Variants in LUZP2 observed in about 807,000 individuals in gnomAD.
LUZP2 encodes the protein leucine zipper protein 2.
Under a neutral mutation model 51.6 loss-of-function variants are expected in LUZP2, and 52 were observed. That is an observed-to-expected ratio of 1.01 (90% confidence interval 0.81 to 1.27). The LOEUF (loss-of-function observed/expected upper bound fraction) is 1.27, where lower values mean the gene tolerates loss of function less well. Among genes scored for constraint, LUZP2 ranks in the 50% most tolerant of loss-of-function variants. The pLI, the probability that LUZP2 is intolerant of heterozygous loss-of-function variation, is 0.00. For missense variants in LUZP2, 436 were observed against 395.4 expected, an observed-to-expected ratio of 1.10 and a Z score of -0.87; for synonymous variants, 154 against 137.3, an observed-to-expected ratio of 1.12 and a Z score of -0.85.
At chr11:24,877,633 A>G (rs983935536) in intron 5 of LUZP2, among the ~76,000 whole-genome samples, 8 of 152,112 alleles carry the variant, frequency 5.3e-5, no homozygotes, top group Non-Finnish European at 1.0e-4. Context: ...ATGTACAATT[A>G]ATTTATTATT....
At chr11:24,772,461 C>T (rs1454377870) in intron 5 of LUZP2, among the ~76,000 whole-genome samples, 3 of 152,160 alleles carry the variant, frequency 2.0e-5, no homozygotes, top group Admixed American at 6.5e-5. Flanking sequence ...GTCCAGGACA[C>T]ACCCAAGAGG....
intron 7 of LUZP2, among the ~76,000 whole-genome samples, chr11:24,957,670 A>G (rs1472993327): frequency 1.3e-5 from 2 of 152,176 alleles, no homozygotes; most frequent in Non-Finnish European, 2.9e-5. Context: ...ACAAATGACA[A>G]AATTTATTTC....
chr11:24,934,073 C>T (rs61521958), intron 7 of LUZP2, among the ~76,000 whole-genome samples: 12,032 of 152,026 alleles, frequency 0.079, 1,571 homozygotes, highest in African/African-American at 0.27. Context: ...ATCGCAAGGG[C>T]AGGGAAGGTG....
At chr11:25,048,741 T>C (rs1343495312) in intron 9 of LUZP2, among the ~76,000 whole-genome samples, 1 of 152,076 alleles carries the variant, frequency 6.6e-6, no homozygotes, top group Non-Finnish European at 1.5e-5. Context: ...TGGAAAACAA[T>C]AAATGCCTTC....
intron 1 of LUZP2, among the ~76,000 whole-genome samples, chr11:24,641,130 G>A (rs1855268421): frequency 6.6e-6 from 1 of 151,270 alleles, no homozygotes; most frequent in South Asian, 2.1e-4. Flanking sequence ...GCCCAGGTTA[G>A]TCTCAAACTT....
chr11:24,827,580 G>A (rs577980822), intron 5 of LUZP2, among the ~76,000 whole-genome samples: 3 of 152,074 alleles, frequency 2.0e-5, no homozygotes, highest in Non-Finnish European at 4.4e-5. Context: ...AACATTTTAG[G>A]TGAAAAGAAT....
chr11:24,553,621 A>G (rs1304159389), intron 1 of LUZP2, among the ~76,000 whole-genome samples: 2 of 152,066 alleles, frequency 1.3e-5, no homozygotes, highest in East Asian at 3.9e-4. Flanking sequence ...TGATAAGCTG[A>G]TGTTTAAAAT....
intron 5 of LUZP2, among the ~76,000 whole-genome samples, chr11:24,896,413 C>G (rs910804728): frequency 1.3e-5 from 2 of 152,170 alleles, no homozygotes; most frequent in African/African-American, 4.8e-5. Flanking sequence ...CAGCTCCAGG[C>G]AGTGAGGGGC....
chr11:24,998,343 G>A (rs1175139727), intron 9 of LUZP2, among the ~76,000 whole-genome samples: 1 of 152,130 alleles, frequency 6.6e-6, no homozygotes, highest in East Asian at 1.9e-4. Flanking sequence ...CACGTCCCTT[G>A]TAAGTTGGAT....
Position 25,050,031 on chromosome 11 carries a change from T to C in LUZP2, c.766-7T>C. On this transcript the variant is annotated splice_polypyrimidine_tract_variant and splice_region_variant and intron_variant, in intron 9 of 11. Coordinates refer to ENST00000336930, the MANE Select transcript of LUZP2 (RefSeq NM_001009909.4). ...CTTTCTTTCTATCTCTCTTCGTCTC[T>C]TTTAAGCCTCAACAAAGTGCTTCTG... 6.4e-7 allele frequency: 1 copy of C among 1,570,854 alleles called. No individual in the cohort carries two copies. Among genetic ancestry groups the C allele is most frequent in the South Asian group, 1.2e-5 (1 of 84,476 alleles).
At chr11:24,751,658 C>A in intron 4 of LUZP2, 1 of 701,286 alleles carries the variant, frequency 1.4e-6, no homozygotes, top group Non-Finnish European at 1.7e-6. Context: ...GGACAGCAGC[C>A]ATCATTGGCC....
At chr11:24,978,770 T>C (rs1855947361) in intron 8 of LUZP2, among the ~76,000 whole-genome samples, 1 of 151,744 alleles carries the variant, frequency 6.6e-6, no homozygotes, top group Admixed American at 6.6e-5. Flanking sequence ...CTGTGGGTCA[T>C]AGGGCACGGT....
At chr11:24,737,634 G>A (rs1361747657) in intron 3 of LUZP2, among the ~76,000 whole-genome samples, 1 of 152,076 alleles carries the variant, frequency 6.6e-6, no homozygotes, top group Non-Finnish European at 1.5e-5. Context: ...ATGTGCTACT[G>A]AGCTTGAGAC....
intron 1 of LUZP2, among the ~76,000 whole-genome samples, chr11:24,590,883 C>G (rs562874697): frequency 1.5e-3 from 230 of 152,196 alleles, no homozygotes; most frequent in African/African-American, 5.3e-3. Flanking sequence ...ATGTACAGAT[C>G]TGACATGTAA....
intron 5 of LUZP2, among the ~76,000 whole-genome samples, chr11:24,802,908 CCTT>C (rs1459294952): frequency 6.6e-6 from 1 of 152,022 alleles, no homozygotes; most frequent in Non-Finnish European, 1.5e-5. Context: ...CATCCTTTCT[CCTT>C]CTTCTACCAG....
chr11:25,051,211 G>A (rs1858499149), intron 10 of LUZP2, among the ~76,000 whole-genome samples: 2 of 152,080 alleles, frequency 1.3e-5, no homozygotes, highest in African/African-American at 2.4e-5. Flanking sequence ...CAACTACTCG[G>A]GAGGCTGAGG....
At chr11:24,846,601 C>T (rs923073274) in intron 5 of LUZP2, among the ~76,000 whole-genome samples, 1 of 152,068 alleles carries the variant, frequency 6.6e-6, no homozygotes, top group African/African-American at 2.4e-5. Flanking sequence ...GAGAATGAAT[C>T]TGTAACTGAA....
At chr11:24,653,508 T>C (rs1590299004) in intron 1 of LUZP2, among the ~76,000 whole-genome samples, 2 of 152,172 alleles carry the variant, frequency 1.3e-5, no homozygotes. Context: ...CACTTCCCTA[T>C]ATAAGTCCGA....
chr11:25,072,264 G>T (rs1859180354), intron 10 of LUZP2, among the ~76,000 whole-genome samples: 1 of 151,952 alleles, frequency 6.6e-6, no homozygotes, highest in South Asian at 2.1e-4. Context: ...ATATGTTCTT[G>T]TTTATGTATG....
Sources: gnomAD v4.1 joint callset for allele counts (sites outside exome capture counted in the v4.1 genomes callset) on GRCh38, gnomAD v4.1.1 for gene constraint, MANE v1.5 for transcripts, NCBI Gene and HGNC (gene_info 2026-07-23, HGNC 2026-07-21) for gene names.